RNF207: variants seen among roughly 807,000 people sequenced by gnomAD.
The protein encoded by RNF207 is ring finger protein 207, also known as OTTHUMG00000001089.
RNF207 carries 72 observed loss-of-function variants against 79.0 expected under a neutral mutation model. That is an observed-to-expected ratio of 0.91 (90% CI 0.75 to 1.11). The LOEUF is 1.11. Ranked by LOEUF, RNF207 falls within the 50% of genes least tolerant of loss-of-function variation. The pLI is 0.00. For synonymous variants in RNF207, 348 were observed against 366.2 expected (o/e 0.95, Z 0.57); for missense variants, 936 against 855.8 (o/e 1.09, Z -1.17).
chr1:6,215,667 G>A (rs1035027656), intron 16 of RNF207, among the ~76,000 whole-genome samples: 1 of 151,506 alleles, frequency 6.6e-6, no homozygotes, highest in African/African-American at 2.4e-5. Flanking sequence ...GCTTGTGAAG[G>A]TCTTTGTTTG....
At chr1:6,218,571 C>T (rs1668441758) in intron 17 of RNF207, among the ~76,000 whole-genome samples, 1 of 152,202 alleles carries the variant, frequency 6.6e-6, no homozygotes, top group South Asian at 2.1e-4. Flanking sequence ...ACAGGTGTTC[C>T]TTTGATAGAC....
Position 6,215,845 on chromosome 1 carries a change from A to T in RNF207, c.1653-2444A>T, listed in dbSNP as rs369400918. ...GCCCTCTAAGCTTGTGTAGGTTTCTATCTTCCAGGCTGAAGGTTTTTCTCA... is the reference window on the plus strand; with the variant it reads ...GCCCTCTAAGCTTGTGTAGGTTTCTTTCTTCCAGGCTGAAGGTTTTTCTCA... On this transcript the variant is annotated intron_variant, in intron 16 of 17. Coordinates refer to ENST00000377939, the MANE Select transcript of RNF207 (RefSeq NM_207396.3). Among the ~76,000 whole-genome samples, 8 of 152,124 alleles carry T rather than the reference A, an allele frequency of 5.3e-5. No homozygotes were observed. In the East Asian group the frequency reaches 1.3e-3, roughly 26 times the overall value.
At chr1:6,213,485 A>G (rs960353674) in intron 16 of RNF207, among the ~76,000 whole-genome samples, 8 of 151,920 alleles carry the variant, frequency 5.3e-5, no homozygotes, top group African/African-American at 1.9e-4. Context: ...AAAAAAAAAA[A>G]AAAACTGCAT....
At chr1:6,216,562 CTT>C (rs60430154) in intron 16 of RNF207, among the ~76,000 whole-genome samples, 17 of 139,822 alleles carry the variant, frequency 1.2e-4, no homozygotes, top group Admixed American at 2.1e-4. Context: ...CCATATTCAT[CTT>C]TTTTTTTTTT....
chr1:6,218,378 A>G lies in RNF207; in HGVS notation c.1733+9A>G, dbSNP rs745912852. 1.9e-6 allele frequency: 3 copies of G among 1,604,988 alleles called. No individual in the cohort carries two copies. The South Asian group carries it at 3.3e-5, about 18-fold the overall frequency. The stretch of plus-strand genomic sequence containing the variant: ...AACGCGGCCTCAGCCAGGTAAAGCA[A>G]GTCTCTCCACTGGAGAGTGTGCACG... On this transcript the variant is annotated intron_variant, in intron 17 of 17. Coordinates refer to ENST00000377939, the MANE Select transcript of RNF207 (RefSeq NM_207396.3).
Position 6,209,357 on chromosome 1 carries a change from CCTGGCGCGCGGG to C in RNF207, c.627+15_627+26del. 6.5e-7 allele frequency: 1 copy of C among 1,534,184 alleles called. No homozygotes were observed. Among genetic ancestry groups the C allele is most frequent in the Non-Finnish European group, 8.7e-7 (1 of 1,143,202 alleles). ...CAGGCGGTGCTGGTGAGCGCAGGGG[CCTGGCGCGCGGG>C]GCCGCGCGGCGGCGATCGCGAGCCT... On this transcript the variant is annotated intron_variant, in intron 6 of 17. Transcript: ENST00000377939.
intron 14 of RNF207, 65 bp downstream of exon 14, chr1:6,212,481 CAGTA>C: frequency 6.8e-7 from 1 of 1,478,214 alleles, no homozygotes; most frequent in Non-Finnish European, 9.2e-7. Flanking sequence ...TACCCTAAGA[CAGTA>C]AGCGGGGAAA....
rs777295055 is a variant in RNF207 at position 6,213,160 on chromosome 1, G to A, written c.1629G>A (p.Lys543=). 6 of 1,612,612 alleles carry A rather than the reference G, an allele frequency of 3.7e-6. No individual in the cohort carries two copies. The African/African-American group carries it at 8.0e-5, about 22-fold the overall frequency. ...CGCCCTACGTCCGCTCCATTGCCAA[G>A]GTGAAGGAGCGGCTGGAGCCCAGGT... ...QITPYVRSIA[K]VKERLEPRFQ... is the part of the protein sequence containing the mutation. Residue 543 remains lysine, a synonymous_variant, in exon 16 of 18, where the codon AAG becomes AAA. Coordinates refer to ENST00000377939, the MANE Select transcript of RNF207 (RefSeq NM_207396.3).
Position 6,206,800 on chromosome 1 carries a change from G to A in RNF207, c.191+74G>A. Reference sequence around the variant, plus strand: ...CCCAAGGTTGGCTCTGCCCGAGCTGGGACCCAGGTGCCAGGAGAGTAAGGC... The same window carrying A: ...CCCAAGGTTGGCTCTGCCCGAGCTGAGACCCAGGTGCCAGGAGAGTAAGGC... On this transcript the variant is annotated intron_variant, in intron 2 of 17. Transcript: ENST00000377939. The A allele has an allele frequency of 3.1e-6, 4 of 1,293,040 alleles. No homozygotes were observed. In the South Asian group the frequency reaches 5.4e-5, roughly 17 times the overall value. The allele number at this position is 1,293,040 out of a possible 1,614,324, so 80.1% of individuals were successfully genotyped here.
At chr1:6,210,175 C>T (rs942954535) in intron 8 of RNF207, 48 bp from the exon 9 acceptor site, 13 of 1,529,324 alleles carry the variant, frequency 8.5e-6, no homozygotes, top group African/African-American at 4.1e-5. Flanking sequence ...TGGAACTGCC[C>T]GGCCCTGCTC....
Position 6,212,218 on chromosome 1 carries a change from C to T in RNF207, c.1297-13C>T. The T allele has an allele frequency of 1.2e-6, 2 of 1,607,400 alleles. No homozygotes were observed. Among genetic ancestry groups the T allele is most frequent in the Non-Finnish European group, 8.5e-7 (1 of 1,176,958 alleles). ...TAGGGTGACCCACGCTCTCACACAG[C>T]CTCTCTGTGCAGCACCTGCAGGCAG... On this transcript the variant is annotated splice_polypyrimidine_tract_variant and intron_variant, in intron 13 of 17. Coordinates refer to ENST00000377939, the MANE Select transcript of RNF207 (RefSeq NM_207396.3).
Position 6,218,553 on chromosome 1 carries a change from T to A in RNF207, c.1733+184T>A, listed in dbSNP as rs530646648. 1.8e-4 allele frequency among the ~76,000 whole-genome samples: 28 copies of A among 152,324 alleles called. No individual in the cohort carries two copies. In the South Asian group the frequency reaches 4.6e-3, roughly 25 times the overall value. On this transcript the variant is annotated intron_variant, in intron 17 of 17. Transcript: ENST00000377939. ...GATGAGTAACTTATAAGTGACCTCATAGATAAAACAGGTGTTCCTTTGATA... is the reference window on the plus strand; with the variant it reads ...GATGAGTAACTTATAAGTGACCTCAAAGATAAAACAGGTGTTCCTTTGATA...
At chr1:6,212,971 A>G in intron 15 of RNF207, 95 bp from the exon 16 acceptor site, 1 of 871,574 alleles carries the variant, frequency 1.1e-6, no homozygotes, top group Non-Finnish European at 1.9e-6. Context: ...CATCATGGAA[A>G]TGGTCGGGAT....
chr1:6,212,843 T>G, intron 15 of RNF207, 110 bp downstream of exon 15: 1 of 962,752 alleles, frequency 1.0e-6, no homozygotes, highest in Non-Finnish European at 1.7e-6. Flanking sequence ...CCCCACACTC[T>G]TCCCCTTAGC....
rs1668156398 is a variant in RNF207, at chr1:6,211,265, G to A, written c.1109+147G>A. 9.6e-6 allele frequency: 6 copies of A among 626,594 alleles called. No individual in the cohort carries two copies. The highest frequency in any genetic ancestry group is 1.7e-5 in the Non-Finnish European group (6 of 356,620). The allele number at this position is 626,594 out of a possible 1,614,324, so 38.8% of individuals were successfully genotyped here. On this transcript the variant is annotated intron_variant, in intron 12 of 17. Coordinates refer to ENST00000377939, the MANE Select transcript of RNF207 (RefSeq NM_207396.3). This position sits in a 1 kb window ranked among gnomAD's most constrained non-coding sequence, Gnocchi z 4.2. ...TAGCTCGCCACCCTCCCAGCAGGGT[G>A]TCTGGGCACAGGGGATGGCCAGGGC...
In RNF207 at chr1:6,220,687, C is replaced by T. The variant is rs998893579; in HGVS notation, c.*1280C>T. On this transcript the variant is annotated 3_prime_UTR_variant, in exon 18 of 18. Transcript: ENST00000377939. The stretch of plus-strand genomic sequence containing the variant: ...TCCTGAGTCCGACTTCCGTTGATAG[C>T]AAGGCACTGGGTGGCAGCAACCTTT... 1 of 152,234 alleles carries T rather than the reference C, an allele frequency of 6.6e-6. No homozygotes were observed. Among genetic ancestry groups the T allele is most frequent in the Non-Finnish European group, 1.5e-5 (1 of 68,038 alleles). 9.4% of individuals were successfully genotyped at this position (152,234 alleles called of 1,614,324 possible).
intron 3 of RNF207, 191 bp from the exon 4 acceptor site, chr1:6,208,690 G>C: frequency 1.7e-6 from 1 of 578,658 alleles, no homozygotes; most frequent in Non-Finnish European, 2.9e-6. Flanking sequence ...CCCAGCCTCT[G>C]AGCCGCAGTG....
At position 6,212,185 on chromosome 1, in the gene RNF207, A is replaced by T. The variant is rs770705446; in HGVS notation, c.1297-46A>T. 1.9e-5 allele frequency: 30 copies of T among 1,577,612 alleles called. No homozygotes were observed. In the Admixed American group the frequency reaches 3.1e-4, roughly 16 times the overall value. On this transcript the variant is annotated intron_variant, in intron 13 of 17. Transcript: ENST00000377939. The stretch of plus-strand genomic sequence containing the variant: ...TCCTCCACCAAGTCCATGGCAGTAA[A>T]AACAGCCTAGGGTGACCCACGCTCT...
rs1268624491 is a variant in RNF207 at position 6,217,802 on chromosome 1, C to G, written c.1653-487C>G. Among the ~76,000 whole-genome samples the G allele has an allele frequency of 6.6e-6, 1 of 152,218 alleles. No homozygotes were observed. The highest frequency in any genetic ancestry group is 6.5e-5 in the Admixed American group (1 of 15,276). ...TGATTCCCATCACCGCGGGGCTGGA[C>G]AGCTCTCTTGGGGACCTTCCCTGTG... is the stretch of plus-strand genomic sequence containing the variant. On this transcript the variant is annotated intron_variant, in intron 16 of 17. Coordinates refer to ENST00000377939, the MANE Select transcript of RNF207 (RefSeq NM_207396.3). This position sits in a 1 kb window ranked among gnomAD's most constrained non-coding sequence, Gnocchi z 4.2.
Sources: gnomAD v4.1 joint callset for allele counts (sites outside exome capture counted in the v4.1 genomes callset) on GRCh38, gnomAD v4.1.1 for gene constraint, Gnocchi (gnomAD v3.1) non-coding constraint, MANE v1.5 for transcripts, NCBI Gene and HGNC (gene_info 2026-07-23, HGNC 2026-07-21) for gene names.